LITAF: variants seen among roughly 807,000 people sequenced by gnomAD.
LITAF encodes the protein lipopolysaccharide-induced tumor necrosis factor-alpha factor.
A neutral mutation model predicts 14.5 loss-of-function variants in LITAF; 9 were observed. The ratio of observed to expected loss-of-function variants is 0.62; its 90% confidence interval spans 0.37 to 1.08. The LOEUF (loss-of-function observed/expected upper bound fraction) is 1.08, where lower values mean the gene tolerates loss of function less well. Ranked by LOEUF, LITAF falls within the 50% of genes least tolerant of loss-of-function variation. The probability of loss-of-function intolerance (pLI) is 0.01; values close to 1 mark genes in which losing one functional copy is unlikely to be tolerated. For missense variants in LITAF, 206 were observed against 213.4 expected (o/e 0.97, Z 0.22); for synonymous variants, 98 against 88.2 (o/e 1.11, Z -0.62).
chr16:11,555,980 G>A (rs2064261648), intron 2 of LITAF, among the ~76,000 whole-genome samples: 1 of 152,188 alleles, frequency 6.6e-6, no homozygotes, highest in South Asian at 2.1e-4. Flanking sequence ...AGAACTACCT[G>A]TGATACTAAA....
At chr16:11,623,529 G>A (rs773299876) in intron 3 of LITAF, among the ~76,000 whole-genome samples, 7 of 151,626 alleles carry the variant, frequency 4.6e-5, no homozygotes, top group Admixed American at 1.3e-4. Flanking sequence ...GCAAGGTGGC[G>A]CATGACTGTA....
At chr16:11,566,301 C>T (rs1442476449) in intron 1 of LITAF, among the ~76,000 whole-genome samples, 9 of 152,304 alleles carry the variant, frequency 5.9e-5, no homozygotes. Flanking sequence ...ATGTCCCAGT[C>T]TCCCTTGGAC....
intron 1 of LITAF, among the ~76,000 whole-genome samples, chr16:11,557,629 T>C (rs2064295123): frequency 6.6e-6 from 1 of 152,154 alleles, no homozygotes; most frequent in Non-Finnish European, 1.5e-5. Flanking sequence ...TTTTCATTTT[T>C]TGTAGAGATG....
At chr16:11,608,138 C>A (rs1423817153) in intron 3 of LITAF, among the ~76,000 whole-genome samples, 1 of 152,348 alleles carries the variant, frequency 6.6e-6, no homozygotes, top group East Asian at 1.9e-4. Context: ...CCTCCTAGCA[C>A]CCCCATGGGA....
At chr16:11,573,762 C>T (rs12923593) in intron 1 of LITAF, among the ~76,000 whole-genome samples, 100,401 of 142,566 alleles carry the variant, frequency 0.7, 35,492 homozygotes, top group African/African-American at 0.73. Flanking sequence ...AGTGCAGTGG[C>T]GCGATCTCGA....
chr16:11,595,292 C>T (rs916765610), intron 1 of LITAF, among the ~76,000 whole-genome samples: 4 of 152,208 alleles, frequency 2.6e-5, no homozygotes, highest in African/African-American at 7.2e-5. Flanking sequence ...AGGTTACACC[C>T]CCAACCCCAA....
At chr16:11,559,711 T>G (rs1331185825) in intron 1 of LITAF, among the ~76,000 whole-genome samples, 1 of 151,428 alleles carries the variant, frequency 6.6e-6, no homozygotes, top group African/African-American at 2.4e-5. Flanking sequence ...ATGTGGCTAC[T>G]AGGCCGGGCA....
In LITAF at chr16:11,571,577, G is replaced by C. The variant is rs76352999; in HGVS notation, c.-5-14842C>G. 3.5e-3 allele frequency among the ~76,000 whole-genome samples: 527 copies of C among 152,290 alleles called. 1 individual carries two copies. The highest frequency in any genetic ancestry group is 0.012 in the African/African-American group (494 of 41,552). On this transcript the variant is annotated intron_variant, in intron 1 of 3. Transcript: ENST00000622633. ...CCCCCTCCCACAGCAGGGGGCACCAGGCAGAGGTCAGACCCCCTCAACCTC... is the reference window on the plus strand; with the variant it reads ...CCCCCTCCCACAGCAGGGGGCACCACGCAGAGGTCAGACCCCCTCAACCTC...
chr16:11,592,980 C>T (rs912967559), intron 1 of LITAF, among the ~76,000 whole-genome samples: 4 of 152,070 alleles, frequency 2.6e-5, no homozygotes, highest in African/African-American at 9.7e-5. Context: ...ACCATCCTGG[C>T]TAACAAGGTG....
At chr16:11,552,298 T>C (rs2141694290) in intron 3 of LITAF, among the ~76,000 whole-genome samples, 1 of 152,248 alleles carries the variant, frequency 6.6e-6, no homozygotes, top group African/African-American at 2.4e-5. Context: ...AACAAAAAAT[T>C]GATTGTGTTT....
At chr16:11,617,295 T>G (rs888417582) in intron 3 of LITAF, among the ~76,000 whole-genome samples, 1 of 151,978 alleles carries the variant, frequency 6.6e-6, no homozygotes, top group Non-Finnish European at 1.5e-5. Context: ...AACGATACAG[T>G]CCGCCATCCC....
At chr16:11,637,934 AT>A (rs1167679210), upstream of LITAF, among the ~76,000 whole-genome samples, 2 of 88,406 alleles carry the variant, frequency 2.3e-5, no homozygotes, top group Admixed American at 2.3e-4. Flanking sequence ...ATCTATATCT[AT>A]ATCTATATAT....
chr16:11,633,880 G>A (rs2065128601), intron 2 of LITAF, among the ~76,000 whole-genome samples: 2 of 152,118 alleles, frequency 1.3e-5, no homozygotes, highest in African/African-American at 4.8e-5. Context: ...ACCCCTTTCT[G>A]GTAACAGTAG....
At chr16:11,579,469 TAAAATAAAATAAAATAAAATAAAATAA>T in intron 1 of LITAF, among the ~76,000 whole-genome samples, 1 of 8,832 alleles carries the variant, frequency 1.1e-4, no homozygotes, top group Non-Finnish European at 2.2e-4. Context: ...AAAAATAAAA[TAAAATAAAATAAAATAAAATAAAATAA>T]AATAAAATAA....
At chr16:11,610,068 G>A (rs1186961075) in intron 3 of LITAF, among the ~76,000 whole-genome samples, 1 of 152,204 alleles carries the variant, frequency 6.6e-6, no homozygotes, top group African/African-American at 2.4e-5. Context: ...CACTGCTCCT[G>A]ATGGCTTTGG....
At chr16:11,560,220 A>G (rs1011064087) in intron 1 of LITAF, among the ~76,000 whole-genome samples, 14 of 151,680 alleles carry the variant, frequency 9.2e-5, no homozygotes, top group African/African-American at 3.1e-4. Context: ...TCACTTGAAC[A>G]CGGGAGGTGG....
chr16:11,569,897 G>C (rs112356538), intron 1 of LITAF, among the ~76,000 whole-genome samples: 9,390 of 152,138 alleles, frequency 0.062, 369 homozygotes, highest in Middle Eastern at 0.12. Flanking sequence ...AGCCAGGTGT[G>C]GTGGTGCTTG....
intron 1 of LITAF, among the ~76,000 whole-genome samples, chr16:11,583,892 C>G (rs2064773394): frequency 6.6e-6 from 1 of 152,170 alleles, no homozygotes; most frequent in African/African-American, 2.4e-5. Context: ...TTTCTTGTGT[C>G]CATGCCTTAA....
intron 3 of LITAF, among the ~76,000 whole-genome samples, chr16:11,630,222 C>T (rs971277751): frequency 8.5e-5 from 13 of 152,162 alleles, no homozygotes; most frequent in Non-Finnish European, 1.9e-4. Flanking sequence ...TAGCCTCAGC[C>T]CCTATGGATG....
Sources: allele counts gnomAD v4.1 joint callset (sites outside exome capture counted in the v4.1 genomes callset), GRCh38; gene constraint gnomAD v4.1.1; transcripts MANE v1.5; gene names NCBI Gene and HGNC (gene_info 2026-07-23, HGNC 2026-07-21).